Variants in PCDH7 observed in about 807,000 individuals in gnomAD.
The protein encoded by PCDH7 is protocadherin 7, also known as protocadherin-7.
PCDH7 carries 17 observed loss-of-function variants against 58.9 expected under a neutral mutation model. That is an observed-to-expected ratio of 0.29 (90% CI 0.20 to 0.43). The LOEUF (loss-of-function observed/expected upper bound fraction) is 0.43, where lower values mean the gene tolerates loss of function less well. Ranked by LOEUF, PCDH7 falls within the 20% of genes least tolerant of loss-of-function variation. The pLI is 1.00. For synonymous variants in PCDH7, 664 were observed against 616.4 expected (o/e 1.08, Z -1.14); for missense variants, 1,274 against 1,441.0 (o/e 0.88, Z 1.88).
intron 3 of PCDH7, among the ~76,000 whole-genome samples, chr4:31,128,375 G>C (rs779729138): frequency 1.3e-5 from 2 of 152,024 alleles, no homozygotes; most frequent in Non-Finnish European, 2.9e-5. Context: ...TTGTCAAACT[G>C]TATTAGGTTG....
At chr4:30,999,779 T>C (rs1183247517) in intron 3 of PCDH7, among the ~76,000 whole-genome samples, 1 of 152,150 alleles carries the variant, frequency 6.6e-6, no homozygotes, top group Admixed American at 6.6e-5. Flanking sequence ...TAGGGAGAAT[T>C]GATTCTTCTA....
chr4:30,898,224 T>C (rs1189530716), intron 1 of PCDH7, among the ~76,000 whole-genome samples: 1 of 152,164 alleles, frequency 6.6e-6, no homozygotes, highest in Non-Finnish European at 1.5e-5. Context: ...TTTGTGGTTG[T>C]TGTTGACTTG....
intron 1 of PCDH7, among the ~76,000 whole-genome samples, chr4:30,881,519 A>T (rs1736973953): frequency 6.6e-6 from 1 of 152,170 alleles, no homozygotes. Flanking sequence ...TGTCATCTCT[A>T]GCACAAATTA....
intron 1 of PCDH7, among the ~76,000 whole-genome samples, chr4:30,877,292 ACT>A (rs1736415855): frequency 6.6e-6 from 1 of 152,074 alleles, no homozygotes; most frequent in African/African-American, 2.4e-5. Flanking sequence ...GAGGACAAGA[ACT>A]CTCTATCTGG....
chr4:30,750,345 C>T (rs2109257462), intron 1 of PCDH7, among the ~76,000 whole-genome samples: 1 of 152,202 alleles, frequency 6.6e-6, no homozygotes, highest in South Asian at 2.1e-4. Context: ...AGTCAGAGGT[C>T]AAGGGACCTT....
chr4:31,052,561 A>G (rs1649750598), intron 3 of PCDH7, among the ~76,000 whole-genome samples: 2 of 152,164 alleles, frequency 1.3e-5, no homozygotes, highest in African/African-American at 4.8e-5. Flanking sequence ...CCTAGTCTTC[A>G]CCCTCAAGAC....
intron 1 of PCDH7, among the ~76,000 whole-genome samples, chr4:30,838,933 C>T (rs1047623931): frequency 6.6e-6 from 1 of 152,042 alleles, no homozygotes; most frequent in African/African-American, 2.4e-5. Context: ...TACTTTCTTC[C>T]TACCTTCCTT....
At chr4:31,009,022 G>A (rs1752985155) in intron 3 of PCDH7, among the ~76,000 whole-genome samples, 1 of 151,800 alleles carries the variant, frequency 6.6e-6, no homozygotes, top group South Asian at 2.1e-4. Context: ...GCCAATTCAG[G>A]GTGCTTTCAT....
At chr4:30,767,420 C>T (rs879863561) in intron 1 of PCDH7, among the ~76,000 whole-genome samples, 1 of 152,082 alleles carries the variant, frequency 6.6e-6, no homozygotes, top group Non-Finnish European at 1.5e-5. Context: ...GTGATGCTAA[C>T]GATTCATCAA....
At chr4:30,736,591 A>G (rs1716316046), downstream of PCDH7, among the ~76,000 whole-genome samples, 1 of 140,164 alleles carries the variant, frequency 7.1e-6, no homozygotes, top group Non-Finnish European at 1.5e-5. Context: ...GCTGGAGTGT[A>G]GTTCCGCGAT....
At chr4:30,791,351 A>G (rs1165432763) in intron 1 of PCDH7, among the ~76,000 whole-genome samples, 1 of 152,170 alleles carries the variant, frequency 6.6e-6, no homozygotes, top group East Asian at 1.9e-4. Flanking sequence ...TTCATATTTT[A>G]TATGTTATTA....
intron 1 of PCDH7, among the ~76,000 whole-genome samples, chr4:30,752,460 G>C (rs186442268): frequency 2.1e-4 from 32 of 152,236 alleles, no homozygotes; most frequent in African/African-American, 7.2e-4. Context: ...CAGCTACCTG[G>C]TGTCTCCTCT....
intron 3 of PCDH7, among the ~76,000 whole-genome samples, chr4:31,082,610 A>G (rs989873842): frequency 3.9e-5 from 6 of 152,228 alleles, no homozygotes; most frequent in African/African-American, 1.4e-4. Context: ...CAGGAATGAA[A>G]TAATGTCTTC....
chr4:30,769,164 T>C (rs935634373), intron 1 of PCDH7, among the ~76,000 whole-genome samples: 1 of 152,150 alleles, frequency 6.6e-6, no homozygotes, highest in African/African-American at 2.4e-5. Flanking sequence ...ATGAGTTGAG[T>C]CGTGAGTTTT....
intron 1 of PCDH7, among the ~76,000 whole-genome samples, chr4:30,843,897 C>T (rs1731557870): frequency 6.6e-6 from 1 of 151,808 alleles, no homozygotes; most frequent in South Asian, 2.1e-4. Context: ...GTGATGATTT[C>T]TCTGTGGGTT....
chr4:31,130,708 T>C (rs1274770251), intron 3 of PCDH7, among the ~76,000 whole-genome samples: 2 of 152,198 alleles, frequency 1.3e-5, no homozygotes, highest in East Asian at 1.9e-4. Context: ...TCCTTGCCTC[T>C]TCCTGTTTCT....
intron 1 of PCDH7, among the ~76,000 whole-genome samples, chr4:30,813,768 A>G (rs940796428): frequency 2.0e-5 from 3 of 152,050 alleles, no homozygotes; most frequent in Admixed American, 6.6e-5. Flanking sequence ...CAGCATCCTG[A>G]GTCACTGAGA....
At chr4:30,797,481 A>C (rs1050133584) in intron 1 of PCDH7, among the ~76,000 whole-genome samples, 3 of 150,918 alleles carry the variant, frequency 2.0e-5, no homozygotes, top group African/African-American at 4.9e-5. Context: ...TCACTGTGTT[A>C]GCCAGGATGG....
At chr4:30,989,807 T>G (rs1328128907) in intron 3 of PCDH7, among the ~76,000 whole-genome samples, 1 of 152,166 alleles carries the variant, frequency 6.6e-6, no homozygotes, top group Admixed American at 6.5e-5. Context: ...CCAAAAAATG[T>G]ATAAATTTCA....
Sources: gnomAD v4.1 joint callset for allele counts (sites outside exome capture counted in the v4.1 genomes callset) on GRCh38, gnomAD v4.1.1 for gene constraint, MANE v1.5 for transcripts, NCBI Gene and HGNC (gene_info 2026-07-23, HGNC 2026-07-21) for gene names.